The following P4HB variants were observed in gnomAD, a reference collection of about 807,000 sequenced individuals.
P4HB encodes prolyl 4-hydroxylase subunit beta.
In P4HB, 20 loss-of-function variants were observed where a neutral mutation model predicts 52.6. That is an observed-to-expected ratio of 0.38 (90% CI 0.27 to 0.55). P4HB has a LOEUF of 0.55. P4HB is among the 20% of genes least tolerant of loss of function. The pLI is 0.74. For synonymous variants in P4HB, 296 were observed against 277.9 expected, an observed-to-expected ratio of 1.07 and a Z score of -0.65; for missense variants, 601 against 669.2, an observed-to-expected ratio of 0.90 and a Z score of 1.12.
rs528180464 is a variant in P4HB at position 81,860,197 on chromosome 17, C to A, written c.145+130G>T. On this transcript the variant is annotated intron_variant, in intron 1 of 10. Coordinates refer to ENST00000331483, the MANE Select transcript of P4HB (RefSeq NM_000918.4). ...CCCCTGACATGGCCCCCAAGGCGGG[C>A]AGCAAGGGAGCCCTTCAGTTCCGGG... is the stretch of plus-strand genomic sequence containing the variant. 17 of 748,854 alleles carry A rather than the reference C, an allele frequency of 2.3e-5. No individual in the cohort carries two copies. In the South Asian group the frequency reaches 6.4e-4, roughly 28 times the overall value. The allele number at this position is 748,854 out of a possible 1,614,324, so 46.4% of individuals were successfully genotyped here. A position where few individuals can be genotyped will look rare whatever the true frequency, so the allele number is the denominator to read the frequency against.
In P4HB at chr17:81,855,048, G is replaced by A. The variant is rs111310725; in HGVS notation, c.624+94C>T. Reference sequence around the variant, plus strand: ...CATACCTATTGGGCCAAAGGTGCCAGGAGCAAGGTTCCCTTAACGATAAGG... The same window carrying A: ...CATACCTATTGGGCCAAAGGTGCCAAGAGCAAGGTTCCCTTAACGATAAGG... On this transcript the variant is annotated intron_variant, in intron 4 of 10. Coordinates refer to ENST00000331483, the MANE Select transcript of P4HB (RefSeq NM_000918.4). The surrounding 1 kb of genome is among the most constrained non-coding windows in gnomAD (Gnocchi z 4.3). The A allele has an allele frequency of 6.8e-3, 8,752 of 1,282,676 alleles. 436 individuals are homozygous for A. In the African/African-American group the frequency reaches 0.11, roughly 16 times the overall value. The allele number at this position is 1,282,676 out of a possible 1,614,324, so 79.5% of individuals were successfully genotyped here.
Position 81,847,316 on chromosome 17 carries a change from T to A in P4HB, c.656A>T (p.Glu219Val), listed in dbSNP as rs200521181. ...FDEGRNNFEGEVTKENLLDFI... is the reference protein window; with the variant it reads ...FDEGRNNFEGVVTKENLLDFI... The stretch of plus-strand genomic sequence containing the variant: ...GTCCAGCAGGTTCTCCTTGGTGACC[T>A]CCCCTTCAAAGTTGTTCCGGCCTTC... The change falls in exon 5 of 11, where the codon GAG becomes GTG. Residue 219 changes from glutamate to valine, a missense_variant. By Grantham distance (121) the Glu-to-Val change is moderately radical. Transcript: ENST00000331483. 1 of 1,614,066 alleles carries A rather than the reference T, an allele frequency of 6.2e-7. No homozygotes were observed. The highest frequency in any genetic ancestry group is 8.5e-7 in the Non-Finnish European group (1 of 1,179,970).
At position 81,846,023 on chromosome 17, in the gene P4HB, G is replaced by C. The variant is rs766702502; in HGVS notation, c.1057-32C>G. 1.3e-6 allele frequency: 2 copies of C among 1,579,268 alleles called. No homozygotes were observed. The highest frequency in any genetic ancestry group is 1.7e-6 in the Non-Finnish European group (2 of 1,162,012). ...GGCAGGCAGGGCACGGTGAGGGGCG[G>C]CGATGCCTGGGGGACCACAGAGCTC... On this transcript the variant is annotated intron_variant, in intron 7 of 10. Transcript: ENST00000331483. The surrounding 1 kb of genome is among the most constrained non-coding windows in gnomAD (Gnocchi z 5.7).
intron 4 of P4HB, among the ~76,000 whole-genome samples, chr17:81,854,861 G>A (rs531166508): frequency 7.9e-4 from 116 of 146,272 alleles, no homozygotes; most frequent in Non-Finnish European, 1.5e-3. Context: ...AAGGGCAAAT[G>A]TTGTTACATG....
At chr17:81,847,164 C>T in intron 5 of P4HB, 79 bp downstream of exon 5, 1 of 1,598,204 alleles carries the variant, frequency 6.3e-7, no homozygotes, top group Non-Finnish European at 8.6e-7. Flanking sequence ...CGCTGGACAG[C>T]AGTGGTGACC....
At chr17:81,859,676 T>G (rs2038966713) in intron 1 of P4HB, 3 of 453,474 alleles carry the variant, frequency 6.6e-6, no homozygotes, top group Non-Finnish European at 8.1e-6. Flanking sequence ...TGACTTCTTA[T>G]TCCCCACAGG....
intron 4 of P4HB, chr17:81,847,923 G>A (rs868216322): frequency 1.5e-4 from 8 of 54,896 alleles, no homozygotes; most frequent in African/African-American, 5.0e-4. Flanking sequence ...TTTTTTTTTT[G>A]TGATGGAGTC....
In P4HB at chr17:81,845,331, C is replaced by T. The variant is rs932231994; in HGVS notation, c.1360-101G>A. ...AGAGAAAGGCAGAGCAGGCCCGGTCCGGTGGCTCACACCCGGAATCCAGCA... is the reference window on the plus strand; with the variant it reads ...AGAGAAAGGCAGAGCAGGCCCGGTCTGGTGGCTCACACCCGGAATCCAGCA... On this transcript the variant is annotated intron_variant, in intron 9 of 10. Coordinates refer to ENST00000331483, the MANE Select transcript of P4HB (RefSeq NM_000918.4). 24 of 1,023,850 alleles carry T rather than the reference C, an allele frequency of 2.3e-5. 2 individuals carry two copies. The highest frequency in any genetic ancestry group is 2.3e-4 in the South Asian group (17 of 73,752). The allele number at this position is 1,023,850 out of a possible 1,614,324, so 63.4% of individuals were successfully genotyped here.
At chr17:81,859,810 C>T (rs2038969518) in intron 1 of P4HB, 1 of 240,284 alleles carries the variant, frequency 4.2e-6, no homozygotes, top group Non-Finnish European at 8.3e-6. Flanking sequence ...TGCACACAGA[C>T]CCTGAGTTGC....
chr17:81,858,988 G>A, intron 2 of P4HB, 193 bp downstream of exon 2: 1 of 595,464 alleles, frequency 1.7e-6, no homozygotes, highest in Non-Finnish European at 3.0e-6. Flanking sequence ...TCCATTCGAA[G>A]GTTCTTCCAG....
At chr17:81,853,977 CTG>C (rs1165500527) in intron 4 of P4HB, among the ~76,000 whole-genome samples, 1 of 152,240 alleles carries the variant, frequency 6.6e-6, no homozygotes, top group Admixed American at 6.5e-5. Context: ...AAGGACCCTG[CTG>C]TGTCCTGGTA....
At chr17:81,851,038 C>T (rs989863422) in intron 4 of P4HB, among the ~76,000 whole-genome samples, 1 of 152,024 alleles carries the variant, frequency 6.6e-6, no homozygotes, top group Non-Finnish European at 1.5e-5. Context: ...TCACGCCATT[C>T]TCCTGCCTCA....
intron 4 of P4HB, among the ~76,000 whole-genome samples, chr17:81,854,012 CCA>C (rs2143348037): frequency 6.6e-6 from 1 of 152,328 alleles, no homozygotes; most frequent in South Asian, 2.1e-4. Context: ...GGCTAAGAGG[CCA>C]CACTGTCCAG....
At chr17:81,853,726 G>A (rs1278074170) in intron 4 of P4HB, among the ~76,000 whole-genome samples, 2 of 152,178 alleles carry the variant, frequency 1.3e-5, no homozygotes, top group Non-Finnish European at 2.9e-5. Context: ...ACACAGGACA[G>A]GAGCTGAAGG....
rs576163131 is a variant in P4HB, at chr17:81,846,067, C to G, written c.1057-76G>C. 2.7e-6 allele frequency: 4 copies of G among 1,477,818 alleles called. No individual in the cohort carries two copies. The Admixed American group carries it at 7.4e-5, about 27-fold the overall frequency. The allele number at this position is 1,477,818 out of a possible 1,614,324, so 91.5% of individuals were successfully genotyped here. A position where few individuals can be genotyped will look rare whatever the true frequency, so the allele number is the denominator to read the frequency against. The stretch of plus-strand genomic sequence containing the variant: ...AGAGCTCCCCAACCCTCACCCTGCC[C>G]GGGACTGAGGTGCGTGGCTGCCCTG... On this transcript the variant is annotated intron_variant, in intron 7 of 10. Transcript: ENST00000331483. This position sits in a 1 kb window ranked among gnomAD's most constrained non-coding sequence, Gnocchi z 5.7.
chr17:81,849,919 C>T (rs1301689768), intron 4 of P4HB, among the ~76,000 whole-genome samples: 3 of 152,010 alleles, frequency 2.0e-5, no homozygotes, highest in Non-Finnish European at 4.4e-5. Context: ...CCTCCACCTC[C>T]CGAGTTCCAG....
rs1284436921 is a variant in P4HB at position 81,843,359 on chromosome 17, CAGG to C, written c.*650_*652del. ...GCCAGTGGTCACAATGAGCCCACGA[CAGG>C]AGGAGGAGCCCTGGCTTGAGGGAAG... On this transcript the variant is annotated 3_prime_UTR_variant, in exon 11 of 11. Transcript: ENST00000331483. 4 of 397,198 alleles carry C rather than the reference CAGG, an allele frequency of 1.0e-5. No homozygotes were observed. In the East Asian group the frequency reaches 1.1e-4, roughly 11 times the overall value. The allele number at this position is 397,198 out of a possible 1,614,324, so 24.6% of individuals were successfully genotyped here.
Position 81,843,659 on chromosome 17 carries a change from G to C in P4HB, c.*353C>G, listed in dbSNP as rs560510378. ...AAAATGTCTAAAAATCCCACAGACG[G>C]AATTTTCAAAAAGAGGAGAAACCTC... On this transcript the variant is annotated 3_prime_UTR_variant, in exon 11 of 11. Transcript: ENST00000331483. 2.2e-6 allele frequency: 1 copy of C among 455,162 alleles called. No homozygotes were observed. Among genetic ancestry groups the C allele is most frequent in the East Asian group, 3.3e-5 (1 of 30,374 alleles). 28.2% of individuals were successfully genotyped at this position (455,162 alleles called of 1,614,324 possible). A position where few individuals can be genotyped will look rare whatever the true frequency, so the allele number is the denominator to read the frequency against.
At position 81,855,373 on chromosome 17, in the gene P4HB, C is replaced by T. The variant is rs552798034; in HGVS notation, c.486+80G>A. The T allele has an allele frequency of 4.0e-5, 64 of 1,596,172 alleles. No homozygotes were observed. The South Asian group carries it at 6.6e-4, about 16-fold the overall frequency. Reference sequence around the variant, plus strand: ...GAGCCCAGGCCAGGGGGGACACGTGCAGAACTGCCAGCTGCAGGCTGTGGA... The same window carrying T: ...GAGCCCAGGCCAGGGGGGACACGTGTAGAACTGCCAGCTGCAGGCTGTGGA... On this transcript the variant is annotated intron_variant, in intron 3 of 10. Coordinates refer to ENST00000331483, the MANE Select transcript of P4HB (RefSeq NM_000918.4). The surrounding 1 kb of genome is among the most constrained non-coding windows in gnomAD (Gnocchi z 4.3).
Sources: allele counts gnomAD v4.1 joint callset (sites outside exome capture counted in the v4.1 genomes callset), GRCh38; gene constraint gnomAD v4.1.1; non-coding constraint Gnocchi (gnomAD v3.1); transcripts MANE v1.5; gene names NCBI Gene and HGNC (gene_info 2026-07-23, HGNC 2026-07-21).